SKAP1: variants seen among roughly 807,000 people sequenced by gnomAD.
SKAP1 encodes src kinase-associated phosphoprotein 1.
SKAP1 carries 44 observed loss-of-function variants against 58.5 expected under a neutral mutation model. The observed-to-expected ratio is 0.75, with a 90% CI of 0.59 to 0.97. SKAP1 has a LOEUF of 0.97. SKAP1 is among the 50% of genes least tolerant of loss of function. SKAP1 has a pLI of 0.00. For missense variants in SKAP1, 390 were observed against 435.2 expected (o/e 0.90, Z 0.92); for synonymous variants, 127 against 149.7 (o/e 0.85, Z 1.11).
chr17:48,405,449 CT>C (rs533481901), intron 1 of SKAP1, among the ~76,000 whole-genome samples: 24,402 of 63,496 alleles, frequency 0.38, 2,694 homozygotes, highest in Non-Finnish European at 0.4. Flanking sequence ...TTCTTTCTTT[CT>C]TTTCTTTCTT....
chr17:48,208,384 C>CT (rs1233619949), intron 4 of SKAP1, among the ~76,000 whole-genome samples: 1 of 152,176 alleles, frequency 6.6e-6, no homozygotes, highest in Non-Finnish European at 1.5e-5. Context: ...TTTACATTGT[C>CT]TAACGACTGA....
intron 4 of SKAP1, among the ~76,000 whole-genome samples, chr17:48,200,319 G>A (rs2064711378): frequency 6.6e-6 from 1 of 151,948 alleles, no homozygotes; most frequent in South Asian, 2.1e-4. Context: ...TTAAATTGAG[G>A]AGGAACTGGA....
rs2065298447 is a variant in SKAP1, at chr17:48,246,483, C to T, written c.281-56983G>A. On this transcript the variant is annotated intron_variant, in intron 4 of 12. Coordinates refer to ENST00000336915, the MANE Select transcript of SKAP1 (RefSeq NM_003726.4). ...ATAGCATAGCAGAGGTTCTCTCATT[C>T]AAACCATAAAGCTTTATTTTATTTT... Among the ~76,000 whole-genome samples the T allele has an allele frequency of 3.9e-5, 6 of 152,206 alleles. No individual in the cohort carries two copies. In the South Asian group the frequency reaches 1.0e-3, roughly 26 times the overall value.
In SKAP1 at chr17:48,180,062, A is replaced by G; in HGVS notation, c.818T>C (p.Val273Ala). The G allele has an allele frequency of 1.3e-6, 2 of 1,587,268 alleles. No homozygotes were observed. Among genetic ancestry groups the G allele is most frequent in the African/African-American group, 2.7e-5 (2 of 73,404 alleles). The part of the protein sequence containing the change: ...EEKEEEDIYE[V>A]LPDEEHDLEE... ...AGGACAAAATTTCTCACCTGGCAAG[A>G]CTTCATAAATATCTTCTTCTTCTTT... Residue 273 changes from valine (V) to alanine (A), a missense_variant, in exon 9 of 13, where the codon GTC becomes GCC. Val to Ala is a moderately conservative substitution (Grantham distance 64, BLOSUM62 0). Transcript: ENST00000336915.
At chr17:48,134,617 G>T (rs2063676334) in intron 12 of SKAP1, among the ~76,000 whole-genome samples, 1 of 152,120 alleles carries the variant, frequency 6.6e-6, no homozygotes, top group Non-Finnish European at 1.5e-5. Context: ...CGCCTGGCCA[G>T]ATAAATTCTT....
chr17:48,155,786 G>A (rs1186750708), intron 11 of SKAP1, among the ~76,000 whole-genome samples: 3 of 152,206 alleles, frequency 2.0e-5, no homozygotes, highest in Admixed American at 6.5e-5. Flanking sequence ...GAACCCGGGA[G>A]GCAGAGGTTG....
At chr17:48,321,832 CCTGA>C (rs1312863902) in intron 4 of SKAP1, among the ~76,000 whole-genome samples, 1 of 152,164 alleles carries the variant, frequency 6.6e-6, no homozygotes. Context: ...AAAATATGAA[CCTGA>C]CTAAGTCAAT....
At chr17:48,295,515 T>G (rs1161582715) in intron 4 of SKAP1, 2 of 152,142 alleles carry the variant, frequency 1.3e-5, no homozygotes, top group African/African-American at 4.8e-5. Flanking sequence ...ACTTTTTTTC[T>G]TTTACAATAA....
At chr17:48,421,679 T>C (rs566543906) in intron 1 of SKAP1, among the ~76,000 whole-genome samples, 1 of 152,182 alleles carries the variant, frequency 6.6e-6, no homozygotes, top group South Asian at 2.1e-4. Flanking sequence ...ACAAACAGAC[T>C]AGGTAAAGCT....
chr17:48,370,946 C>T (rs1460060103), intron 2 of SKAP1, among the ~76,000 whole-genome samples: 1 of 152,082 alleles, frequency 6.6e-6, no homozygotes, highest in Non-Finnish European at 1.5e-5. Context: ...TATGATGCAG[C>T]CATAATAAAC....
intron 2 of SKAP1, among the ~76,000 whole-genome samples, chr17:48,393,761 A>AAT (rs1018352052): frequency 2.0e-5 from 3 of 151,964 alleles, no homozygotes; most frequent in East Asian, 3.9e-4. Context: ...GAAGTTGTAA[A>AAT]ATATATATAT....
chr17:48,164,975 T>C (rs916867788), intron 10 of SKAP1, among the ~76,000 whole-genome samples: 1 of 152,230 alleles, frequency 6.6e-6, no homozygotes, highest in Non-Finnish European at 1.5e-5. Context: ...ATACAGTACC[T>C]ACTAAATGCC....
chr17:48,314,180 C>T (rs1357338471), intron 4 of SKAP1, among the ~76,000 whole-genome samples: 1 of 152,142 alleles, frequency 6.6e-6, no homozygotes, highest in East Asian at 1.9e-4. Flanking sequence ...AAATTGTTCT[C>T]ACTTCTTTAT....
chr17:48,150,855 T>C (rs554248736), intron 11 of SKAP1, among the ~76,000 whole-genome samples: 37 of 152,330 alleles, frequency 2.4e-4, no homozygotes, highest in Non-Finnish European at 4.4e-4. Flanking sequence ...GTTTGCTCTT[T>C]TCCCTACCCT....
chr17:48,393,879 G>A (rs998325402), intron 2 of SKAP1, among the ~76,000 whole-genome samples: 2 of 99,328 alleles, frequency 2.0e-5, no homozygotes, highest in African/African-American at 8.2e-5. Flanking sequence ...CTAAATTATA[G>A]TTTTAGATAG....
At chr17:48,156,905 G>A (rs1428206248) in intron 11 of SKAP1, among the ~76,000 whole-genome samples, 4 of 152,138 alleles carry the variant, frequency 2.6e-5, no homozygotes, top group Non-Finnish European at 4.4e-5. Flanking sequence ...CCAAGTGAGC[G>A]ACTTTTGTGC....
chr17:48,367,796 T>C (rs2067028980), intron 2 of SKAP1, among the ~76,000 whole-genome samples: 1 of 151,328 alleles, frequency 6.6e-6, no homozygotes, highest in Non-Finnish European at 1.5e-5. Context: ...CACATGCTAG[T>C]CCTAGCTACT....
chr17:48,289,576 G>A (rs1412634036), intron 4 of SKAP1, among the ~76,000 whole-genome samples: 3 of 151,926 alleles, frequency 2.0e-5, no homozygotes, highest in Non-Finnish European at 4.4e-5. Flanking sequence ...AAATTTTTAG[G>A]CTCTGTTAGC....
intron 1 of SKAP1, among the ~76,000 whole-genome samples, chr17:48,397,873 G>T (rs1305881546): frequency 6.6e-6 from 1 of 152,078 alleles, no homozygotes; most frequent in Non-Finnish European, 1.5e-5. Flanking sequence ...TTGCAGAGGG[G>T]GGGTGGTTCT....
Sources: gnomAD v4.1 joint callset for allele counts (sites outside exome capture counted in the v4.1 genomes callset) on GRCh38, gnomAD v4.1.1 for gene constraint, MANE v1.5 for transcripts, NCBI Gene and HGNC (gene_info 2026-07-23, HGNC 2026-07-21) for gene names.